Variants in TANGO6 observed in about 807,000 individuals in gnomAD.
TANGO6 encodes the protein transport and Golgi organization protein 6 homolog.
Under a neutral mutation model 114.2 loss-of-function variants are expected in TANGO6, and 90 were observed. That is an observed-to-expected ratio of 0.79 (90% confidence interval 0.66 to 0.94). TANGO6 has a LOEUF of 0.94. Among genes scored for constraint, TANGO6 ranks in the 40% least tolerant of loss-of-function variants. The probability of loss-of-function intolerance (pLI) is 0.00; values close to 1 mark genes in which losing one functional copy is unlikely to be tolerated. For missense variants in TANGO6, 1,274 were observed against 1,315.3 expected (o/e 0.97, Z 0.49); for synonymous variants, 477 against 509.8 (o/e 0.94, Z 0.87).
intron 1 of TANGO6, among the ~76,000 whole-genome samples, chr16:68,843,970 T>C (rs1011282617): frequency 6.6e-6 from 1 of 152,188 alleles, no homozygotes; most frequent in African/African-American, 2.4e-5. Flanking sequence ...CTGGGCTCTG[T>C]CAGGCGGGGC....
chr16:68,986,602 A>G lies in TANGO6; in HGVS notation c.2842+12434A>G, dbSNP rs563238206. On this transcript the variant is annotated intron_variant, in intron 15 of 17. Transcript: ENST00000261778. The stretch of plus-strand genomic sequence containing the variant: ...AGCTCCAGAATGAAGCCATAATCCA[A>G]TTTTAGAAAACGTATCATCTGGGCC... 5.7e-4 allele frequency among the ~76,000 whole-genome samples: 86 copies of G among 152,114 alleles called. 3 individuals carry two copies. The South Asian group carries it at 0.017, about 30-fold the overall frequency.
Position 68,930,303 on chromosome 16 carries a change from A to G in TANGO6, c.2701+8A>G. Reference sequence around the variant, plus strand: ...ATCTATCTGCAATTCAGGGTAAGTCAGTCCTGGTTAAAGGACTTTAAGTAT... The same window carrying G: ...ATCTATCTGCAATTCAGGGTAAGTCGGTCCTGGTTAAAGGACTTTAAGTAT... On this transcript the variant is annotated splice_region_variant and intron_variant, in intron 14 of 17. Coordinates refer to ENST00000261778, the MANE Select transcript of TANGO6 (RefSeq NM_024562.2). 2 of 1,552,334 alleles carry G rather than the reference A, an allele frequency of 1.3e-6. No homozygotes were observed. Among genetic ancestry groups the G allele is most frequent in the African/African-American group, 1.4e-5 (1 of 73,374 alleles).
intron 7 of TANGO6, among the ~76,000 whole-genome samples, chr16:68,880,989 A>G (rs1292250972): frequency 6.6e-6 from 1 of 152,036 alleles, no homozygotes; most frequent in Non-Finnish European, 1.5e-5. Flanking sequence ...AGGTCTCACT[A>G]TATTGCCCAG....
chr16:69,065,354 TATC>T (rs1374593498), intron 17 of TANGO6, among the ~76,000 whole-genome samples: 2 of 152,232 alleles, frequency 1.3e-5, no homozygotes, highest in Non-Finnish European at 2.9e-5. Flanking sequence ...ACTCCTGAGC[TATC>T]ATCCCTCCCA....
intron 16 of TANGO6, among the ~76,000 whole-genome samples, chr16:69,032,698 G>A (rs977891339): frequency 2.6e-5 from 4 of 152,070 alleles, no homozygotes; most frequent in Non-Finnish European, 2.9e-5. Context: ...CCAAGATGGT[G>A]AAACCCCGTC....
rs553530714 is a variant in TANGO6 at position 68,930,929 on chromosome 16, G to A, written c.2701+634G>A. Among the ~76,000 whole-genome samples the A allele has an allele frequency of 1.4e-4, 21 of 152,256 alleles. No homozygotes were observed. In the East Asian group the frequency reaches 1.7e-3, roughly 13 times the overall value. Reference sequence around the variant, plus strand: ...TGGGATTACAGGCGTGAGCCACCACGCCCAGCCTCAACTACTGTCTATATG... The same window carrying A: ...TGGGATTACAGGCGTGAGCCACCACACCCAGCCTCAACTACTGTCTATATG... On this transcript the variant is annotated intron_variant, in intron 14 of 17. Coordinates refer to ENST00000261778, the MANE Select transcript of TANGO6 (RefSeq NM_024562.2).
At chr16:69,072,026 CGT>C (rs58310609) in intron 17 of TANGO6, among the ~76,000 whole-genome samples, 6,760 of 92,868 alleles carry the variant, frequency 0.073, 348 homozygotes, top group East Asian at 0.29. Flanking sequence ...AGAGGGAGAC[CGT>C]GTGTGTGTGT....
At chr16:68,998,154 C>T (rs530266329) in intron 15 of TANGO6, among the ~76,000 whole-genome samples, 2 of 152,216 alleles carry the variant, frequency 1.3e-5, no homozygotes, top group African/African-American at 2.4e-5. Context: ...AATAAGAAGG[C>T]TTTTCATGAA....
At position 68,866,092 on chromosome 16, in the gene TANGO6, AT is replaced by A. The variant is rs375199584; in HGVS notation, c.853-985del. Among the ~76,000 whole-genome samples the A allele has an allele frequency of 3.3e-4, 51 of 152,284 alleles. No individual in the cohort carries two copies. The South Asian group carries it at 0.01, about 31-fold the overall frequency. On this transcript the variant is annotated intron_variant, in intron 3 of 17. Transcript: ENST00000261778. ...AGCTGGATTTGTTTGTCAGAGCTAC[AT>A]TCAGAGATTGTTTGCATTAACTTTG...
intron 17 of TANGO6, among the ~76,000 whole-genome samples, chr16:69,048,258 ATTT>A (rs71383949): frequency 0.017 from 1,948 of 111,582 alleles, 16 homozygotes; most frequent in South Asian, 0.091. Flanking sequence ...AATTTTTTGT[ATTT>A]TTTTTTTTTT....
At chr16:69,050,883 C>A (rs28662888) in intron 17 of TANGO6, among the ~76,000 whole-genome samples, 14,722 of 152,114 alleles carry the variant, frequency 0.097, 759 homozygotes, top group African/African-American at 0.1. Flanking sequence ...CCTCAGCCTC[C>A]CAAAGTGCTG....
chr16:68,904,154 T>G (rs558824358), intron 9 of TANGO6, among the ~76,000 whole-genome samples: 1 of 152,174 alleles, frequency 6.6e-6, no homozygotes, highest in African/African-American at 2.4e-5. Context: ...TCGCTCAGAC[T>G]GGAGTGCAAT....
chr16:68,845,135 T>G (rs1173485012), intron 1 of TANGO6, among the ~76,000 whole-genome samples: 1 of 152,080 alleles, frequency 6.6e-6, no homozygotes, highest in East Asian at 1.9e-4. Flanking sequence ...GCCCAGCTAA[T>G]TTTTGTCTTT....
Position 69,084,943 on chromosome 16 carries a change from T to A in TANGO6, c.*1282T>A, listed in dbSNP as rs1316303094. 1.3e-5 allele frequency: 2 copies of A among 152,368 alleles called. No individual in the cohort carries two copies. Among genetic ancestry groups the A allele is most frequent in the Non-Finnish European group, 2.9e-5 (2 of 68,032 alleles). 9.4% of individuals were successfully genotyped at this position (152,368 alleles called of 1,614,324 possible). On this transcript the variant is annotated 3_prime_UTR_variant, in exon 18 of 18. Coordinates refer to ENST00000261778, the MANE Select transcript of TANGO6 (RefSeq NM_024562.2). ...GTCAGATCTTCCTTGGTGGCATCCC[T>A]TTAAAGAGGCCATCTTATGAACAGG...
chr16:69,064,279 T>C (rs1960182325), intron 17 of TANGO6, among the ~76,000 whole-genome samples: 1 of 152,154 alleles, frequency 6.6e-6, no homozygotes, highest in South Asian at 2.1e-4. Context: ...TTGATCCTAC[T>C]GTAGCACCTT....
intron 17 of TANGO6, among the ~76,000 whole-genome samples, chr16:69,065,550 C>T (rs1222282101): frequency 1.3e-5 from 2 of 152,198 alleles, no homozygotes; most frequent in Non-Finnish European, 2.9e-5. Flanking sequence ...TAGATGCTCT[C>T]CTCATTTAGT....
At chr16:68,920,309 C>T (rs138033959) in intron 12 of TANGO6, among the ~76,000 whole-genome samples, 111 of 152,260 alleles carry the variant, frequency 7.3e-4, no homozygotes, top group African/African-American at 2.5e-3. Context: ...TAAGCGTAAG[C>T]TAAGATTTGA....
At chr16:68,906,320 G>T (rs1196458930) in intron 9 of TANGO6, among the ~76,000 whole-genome samples, 2 of 151,986 alleles carry the variant, frequency 1.3e-5, no homozygotes, top group African/African-American at 4.8e-5. Flanking sequence ...TCGGCTAATT[G>T]GTTCCTTTCA....
At chr16:69,044,596 T>C (rs1253757464) in intron 17 of TANGO6, among the ~76,000 whole-genome samples, 1 of 151,782 alleles carries the variant, frequency 6.6e-6, no homozygotes, top group Non-Finnish European at 1.5e-5. Context: ...AACCAGGAGA[T>C]TGAGTGTGGG....
Sources: allele counts gnomAD v4.1 joint callset (sites outside exome capture counted in the v4.1 genomes callset), GRCh38; gene constraint gnomAD v4.1.1; transcripts MANE v1.5; gene names NCBI Gene and HGNC (gene_info 2026-07-23, HGNC 2026-07-21).